The following USP9X variants were observed in gnomAD, a reference collection of about 807,000 sequenced individuals.
The protein encoded by USP9X is ubiquitin carboxyl-terminal hydrolase 9X.
A neutral mutation model predicts 190.3 loss-of-function variants in USP9X; 7 were observed. That is an observed-to-expected ratio of 0.04 (90% confidence interval 0.02 to 0.07). The LOEUF (loss-of-function observed/expected upper bound fraction) is 0.07, where lower values mean the gene tolerates loss of function less well. Among genes scored for constraint, USP9X ranks in the 10% least tolerant of loss-of-function variants. The probability of loss-of-function intolerance (pLI) is 1.00; values close to 1 mark genes in which losing one functional copy is unlikely to be tolerated. For synonymous variants in USP9X, 645 were observed against 659.5 expected (o/e 0.98, Z 0.34); for missense variants, 1,010 against 1,916.9 (o/e 0.53, Z 8.83).
intron 6 of USP9X, among the ~76,000 whole-genome samples, chrX:41,139,602 G>T (rs766499874): frequency 1.2e-4 from 13 of 112,515 alleles, no homozygotes; most frequent in African/African-American, 4.2e-4. Context: ...GGCAGAGGTT[G>T]CAGTGAGCCG....
intron 13 of USP9X, 29 bp downstream of exon 13, chrX:41,151,086 A>G (rs768627770): frequency 1.1e-5 from 13 of 1,163,365 alleles, no homozygotes; most frequent in South Asian, 2.0e-5. Flanking sequence ...GAAAATTTCA[A>G]TACTTAAAAT....
intron 1 of USP9X, among the ~76,000 whole-genome samples, chrX:41,091,522 A>G (rs1285571094): frequency 8.9e-6 from 1 of 112,619 alleles, no homozygotes; most frequent in Non-Finnish European, 1.9e-5. Flanking sequence ...ATTCTAAGTC[A>G]GTGATAATAT....
At chrX:41,146,317 T>A (rs1849020722) in intron 11 of USP9X, among the ~76,000 whole-genome samples, 1 of 112,061 alleles carries the variant, frequency 8.9e-6, no homozygotes, top group South Asian at 3.7e-4. Context: ...TGTTGGTAAA[T>A]CTGGCAATTC....
intron 4 of USP9X, among the ~76,000 whole-genome samples, chrX:41,132,907 T>TC (rs1252693384): frequency 2.7e-5 from 3 of 111,901 alleles, no homozygotes; most frequent in Non-Finnish European, 3.8e-5. Context: ...ATCTTTTTTT[T>TC]CCCCCAATGA....
At position 41,189,470 on chromosome X, in the gene USP9X, C is replaced by T; in HGVS notation, c.3972C>T (p.His1324=). The T allele has an allele frequency of 8.4e-7, 1 of 1,186,042 alleles. No homozygotes were observed. Among genetic ancestry groups the T allele is most frequent in the Non-Finnish European group, 1.1e-6 (1 of 881,783 alleles). The change falls in exon 26 of 45, where the codon CAC becomes CAT. Residue 1324 remains histidine (H), a synonymous_variant. Coordinates refer to ENST00000378308, the MANE Select transcript of USP9X (RefSeq NM_001039591.3). ...TCATTGACTTACTATTGCACTGTCA[C>T]AGCAAGTAAGTATCTTTTTTAATTG... The part of the protein sequence containing the change: ...TFIIDLLLHC[H]SKTVRQVAQE...
chrX:41,195,986 C>T (rs1326197217), intron 26 of USP9X: 1 of 466,253 alleles, frequency 2.1e-6, no homozygotes. Flanking sequence ...CAGCCTGTTC[C>T]AAGAAAGAGG....
At position 41,217,279 on chromosome X, in the gene USP9X, G is replaced by A; in HGVS notation, c.6145G>A (p.Ala2049Thr). The change falls in exon 36 of 45, where the codon GCT (alanine) becomes ACT (threonine). Residue 2049 changes from alanine to threonine, a missense_variant. Physicochemically the swap from Ala to Thr is moderately conservative, Grantham distance 58. Transcript: ENST00000378308. The stretch of plus-strand genomic sequence containing the variant: ...CACTATGATCAGTATTCAACTTGCT[G>A]CTAGGTTCCTCTTTACTACAGGATT... ...EITMISIQLA[A>T]RFLFTTGFHT... The A allele has an allele frequency of 8.3e-7, 1 of 1,210,942 alleles. No individual in the cohort carries two copies.
At chrX:41,153,973 C>T (rs911072820) in intron 14 of USP9X, among the ~76,000 whole-genome samples, 25 of 111,829 alleles carry the variant, frequency 2.2e-4, no homozygotes, top group African/African-American at 7.8e-4. Context: ...GAGGAGTAGG[C>T]TTTTGACATT....
Position 41,168,128 on chromosome X carries a change from G to A in USP9X, c.2546G>A (p.Arg849Gln), listed in dbSNP as rs775568978. The change falls in exon 18 of 45, where the codon CGA becomes CAA. Residue 849 changes from arginine (R) to glutamine (Q), a missense_variant. By Grantham distance (43) the Arg-to-Gln change is conservative (BLOSUM62 1). Transcript: ENST00000378308. ...AATTGTGCAAGACAGGAAGCTGTTCGAATGGTTCGAGTATTAACTGTTTTA... is the reference window on the plus strand; with the variant it reads ...AATTGTGCAAGACAGGAAGCTGTTCAAATGGTTCGAGTATTAACTGTTTTA... ...SVNCARQEAV[R>Q]MVRVLTVLRE... The A allele has an allele frequency of 1.7e-6, 2 of 1,211,167 alleles. No homozygotes were observed. The highest frequency in any genetic ancestry group is 2.2e-5 in the Admixed American group (1 of 46,017).
At chrX:41,201,376 T>C in intron 31 of USP9X, 96 bp downstream of exon 31, 1 of 867,935 alleles carries the variant, frequency 1.2e-6, no homozygotes, top group African/African-American at 2.0e-5. Context: ...ATCAAACGTA[T>C]TAAAGTATAT....
chrX:41,209,784 T>TTTTG (rs1290335208), intron 32 of USP9X, among the ~76,000 whole-genome samples: 1 of 112,570 alleles, frequency 8.9e-6, no homozygotes, highest in Non-Finnish European at 1.9e-5. Flanking sequence ...GAAAAGGTTT[T>TTTTG]TACAAAAGTA....
intron 27 of USP9X, 39 bp from the exon 28 acceptor site, chrX:41,196,553 A>G: frequency 8.4e-7 from 1 of 1,195,100 alleles, no homozygotes; most frequent in East Asian, 3.0e-5. Flanking sequence ...GATTTTGAGG[A>G]TGGACGTGTA....
At chrX:41,193,670 A>T (rs754924862) in intron 26 of USP9X, among the ~76,000 whole-genome samples, 31 of 110,995 alleles carry the variant, frequency 2.8e-4, no homozygotes, top group African/African-American at 9.2e-4. Context: ...TCTCAAAAAA[A>T]ATTTTTTTTT....
At chrX:41,087,067 G>T (rs2061919034) in intron 1 of USP9X, among the ~76,000 whole-genome samples, 1 of 112,493 alleles carries the variant, frequency 8.9e-6, no homozygotes, top group East Asian at 2.8e-4. Flanking sequence ...TTATTTTTTG[G>T]AAGTTCCATA....
chrX:41,151,339 A>G (rs1476457379), intron 13 of USP9X, among the ~76,000 whole-genome samples: 1 of 111,873 alleles, frequency 8.9e-6, no homozygotes, highest in Non-Finnish European at 1.9e-5. Flanking sequence ...ATTTCCAGCA[A>G]GTATGCCAAG....
At chrX:41,127,437 G>A (rs2062265726) in intron 2 of USP9X, among the ~76,000 whole-genome samples, 1 of 111,843 alleles carries the variant, frequency 8.9e-6, no homozygotes, top group Non-Finnish European at 1.9e-5. Context: ...TATAGGTGTG[G>A]AATTACAGGT....
In USP9X at chrX:41,100,630, CTTAT is replaced by C. The variant is rs1288186863; in HGVS notation, c.-159+14524_-159+14527del. Reference sequence around the variant, plus strand: ...AAAAGGGCCCTTAGCATGCAACTCTCTTATTTTTTATTTATTTAAAAAAAATTTT... The same window carrying C: ...AAAAGGGCCCTTAGCATGCAACTCTCTTTTTATTTATTTAAAAAAAATTTT... On this transcript the variant is annotated intron_variant, in intron 1 of 44. Coordinates refer to ENST00000378308, the MANE Select transcript of USP9X (RefSeq NM_001039591.3). Among the ~76,000 whole-genome samples, 279 of 111,447 alleles carry C rather than the reference CTTAT, an allele frequency of 2.5e-3. 1 individual carries two copies. Among genetic ancestry groups the C allele is most frequent in the African/African-American group, 8.7e-3 (268 of 30,680 alleles).
chrX:41,140,589 G>A (rs2062414163), intron 6 of USP9X, 67 bp from the exon 7 acceptor site: 3 of 758,418 alleles, frequency 4.0e-6, no homozygotes, highest in Non-Finnish European at 5.9e-6. Flanking sequence ...ATTTCAATAA[G>A]GCTTTTTTTT....
At position 41,189,320 on chromosome X, in the gene USP9X, C is replaced by A; in HGVS notation, c.3822C>A (p.Gly1274=). ...ITKIYEKTNA[G]NEPDLEDEQV... ...TTGTAATTTTACAGACCAATGCAGGCAATGAGCCAGACTTGGAAGACGAAC... is the reference window on the plus strand; with the variant it reads ...TTGTAATTTTACAGACCAATGCAGGAAATGAGCCAGACTTGGAAGACGAAC... Residue 1274 remains glycine, a synonymous_variant, in exon 26 of 45, where the codon GGC becomes GGA. Coordinates refer to ENST00000378308, the MANE Select transcript of USP9X (RefSeq NM_001039591.3). The A allele has an allele frequency of 8.3e-7, 1 of 1,208,314 alleles. No individual in the cohort carries two copies. Among genetic ancestry groups the A allele is most frequent in the Non-Finnish European group, 1.1e-6 (1 of 893,814 alleles).
Sources: gnomAD v4.1 joint callset for allele counts (sites outside exome capture counted in the v4.1 genomes callset) on GRCh38, gnomAD v4.1.1 for gene constraint, MANE v1.5 for transcripts, NCBI Gene and HGNC (gene_info 2026-07-23, HGNC 2026-07-21) for gene names.